PDE10A: variants seen among roughly 807,000 people sequenced by gnomAD.
The protein encoded by PDE10A is cAMP and cAMP-inhibited cGMP 3',5'-cyclic phosphodiesterase 10A.
PDE10A carries 39 observed loss-of-function variants against 97.7 expected under a neutral mutation model. The ratio of observed to expected loss-of-function variants is 0.40; its 90% CI spans 0.31 to 0.52. The LOEUF (loss-of-function observed/expected upper bound fraction) is 0.52. PDE10A is among the 20% of genes least tolerant of loss of function. The probability of loss-of-function intolerance (pLI) is 0.56; values close to 1 mark genes in which losing one functional copy is unlikely to be tolerated. For missense variants in PDE10A, 731 were observed against 1,047.8 expected (o/e 0.70, Z 4.17); for synonymous variants, 371 against 376.8 (o/e 0.98, Z 0.18).
rs1035075985 is a variant in PDE10A, at chr6:165,586,117, C to A, written c.866-42549G>T. ...CAGTTATCAGCCCACTCCCTGCCCC[C>A]CTTTTGCTTTGGAAAACCTGCTTCT... is the stretch of plus-strand genomic sequence containing the variant. On this transcript the variant is annotated intron_variant, in intron 1 of 21. Coordinates refer to ENST00000539869, the MANE Select transcript of PDE10A (RefSeq NM_001385079.1). 2.0e-5 allele frequency among the ~76,000 whole-genome samples: 3 copies of A among 152,162 alleles called. No individual in the cohort carries two copies. In the South Asian group the frequency reaches 6.2e-4, roughly 32 times the overall value.
chr6:165,683,102 T>C (rs1326492562), intron 1 of PDE10A, among the ~76,000 whole-genome samples: 1 of 152,188 alleles, frequency 6.6e-6, no homozygotes, highest in African/African-American at 2.4e-5. Context: ...CACAAAATTA[T>C]TTGTTGAATG....
At chr6:165,596,460 A>G (rs2322947) in intron 1 of PDE10A, among the ~76,000 whole-genome samples, 29,918 of 152,222 alleles carry the variant, frequency 0.2, 3,532 homozygotes, top group African/African-American at 0.33. Context: ...CAGGTGCAGC[A>G]GTTTATACCT....
intron 1 of PDE10A, among the ~76,000 whole-genome samples, chr6:165,600,207 G>A (rs1309805885): frequency 1.3e-5 from 2 of 152,156 alleles, no homozygotes; most frequent in East Asian, 1.9e-4. Flanking sequence ...ACAGAAAGAC[G>A]CACTCGTTTT....
intron 1 of PDE10A, among the ~76,000 whole-genome samples, chr6:165,580,252 G>A (rs185116318): frequency 2.2e-4 from 34 of 152,188 alleles, no homozygotes; most frequent in African/African-American, 7.0e-4. Flanking sequence ...GGAATGGGTC[G>A]GGTATGTCTT....
intron 1 of PDE10A, among the ~76,000 whole-genome samples, chr6:165,752,691 T>G (rs1309289234): frequency 1.3e-5 from 2 of 152,178 alleles, no homozygotes; most frequent in African/African-American, 4.8e-5. Context: ...ATTAGGCCTC[T>G]CTCTGTTCAT....
chr6:165,980,655 G>T (rs780411432), intron 1 of PDE10A, among the ~76,000 whole-genome samples: 1 of 152,172 alleles, frequency 6.6e-6, no homozygotes, highest in African/African-American at 2.4e-5. Context: ...TTTCTGGTTG[G>T]CTTCATAAGA....
At chr6:165,971,482 C>G (rs1330091101) in intron 1 of PDE10A, among the ~76,000 whole-genome samples, 1 of 152,188 alleles carries the variant, frequency 6.6e-6, no homozygotes, top group Non-Finnish European at 1.5e-5. Flanking sequence ...TCTTGCCCAT[C>G]ATCCATTGCC....
intron 1 of PDE10A, among the ~76,000 whole-genome samples, chr6:165,831,578 C>T (rs1441157704): frequency 2.0e-5 from 3 of 150,038 alleles, no homozygotes; most frequent in South Asian, 2.2e-4. Context: ...CCCGGGTTCA[C>T]GCCATTCTCC....
chr6:165,925,514 G>A (rs1354031350), intron 1 of PDE10A, among the ~76,000 whole-genome samples: 1 of 152,184 alleles, frequency 6.6e-6, no homozygotes, highest in Non-Finnish European at 1.5e-5. Context: ...TGGGTGAATG[G>A]CTAAACAAAC....
At chr6:165,738,804 A>T (rs974649489) in intron 1 of PDE10A, among the ~76,000 whole-genome samples, 1 of 152,214 alleles carries the variant, frequency 6.6e-6, no homozygotes, top group Non-Finnish European at 1.5e-5. Flanking sequence ...GGCTGCGTAA[A>T]TGTCTTCTTT....
chr6:165,654,927 G>A (rs1243983999), intron 1 of PDE10A, among the ~76,000 whole-genome samples: 1 of 152,182 alleles, frequency 6.6e-6, no homozygotes, highest in African/African-American at 2.4e-5. Context: ...GGTGCTCCAT[G>A]GCTCTGCCTT....
At chr6:165,920,584 T>C (rs968335659) in intron 1 of PDE10A, among the ~76,000 whole-genome samples, 3 of 151,430 alleles carry the variant, frequency 2.0e-5, no homozygotes, top group African/African-American at 7.3e-5. Flanking sequence ...ACATACCTGC[T>C]TACTATACAT....
At chr6:165,954,731 C>A (rs915253832) in intron 1 of PDE10A, among the ~76,000 whole-genome samples, 2 of 152,076 alleles carry the variant, frequency 1.3e-5, no homozygotes, top group African/African-American at 4.8e-5. Flanking sequence ...GAAGGCCTTA[C>A]AAGAAGGCTC....
chr6:165,642,624 C>T (rs1328368348), intron 1 of PDE10A, among the ~76,000 whole-genome samples: 1 of 152,178 alleles, frequency 6.6e-6, no homozygotes, highest in Non-Finnish European at 1.5e-5. Context: ...GCTGAGGAGA[C>T]TTGTAAGACA....
At chr6:165,406,540 T>C (rs1011917604) in intron 13 of PDE10A, among the ~76,000 whole-genome samples, 7 of 152,154 alleles carry the variant, frequency 4.6e-5, no homozygotes, top group Admixed American at 6.5e-5. Context: ...TATTACTTTA[T>C]CGATGAAGTT....
chr6:165,408,594 G>A (rs1230075407), intron 13 of PDE10A, among the ~76,000 whole-genome samples: 4 of 152,024 alleles, frequency 2.6e-5, no homozygotes, highest in Non-Finnish European at 5.9e-5. Flanking sequence ...TACATTTGGA[G>A]CTATTTTCTT....
chr6:165,855,107 C>G, intron 1 of PDE10A, among the ~76,000 whole-genome samples: 1 of 152,164 alleles, frequency 6.6e-6, no homozygotes. Flanking sequence ...GGAGGTAAAT[C>G]AAGTCCTGGG....
chr6:165,513,480 T>C (rs1017675797), intron 2 of PDE10A, among the ~76,000 whole-genome samples: 1 of 152,146 alleles, frequency 6.6e-6, no homozygotes. Flanking sequence ...ATCCTTCATA[T>C]TGAACTTCAT....
intron 1 of PDE10A, among the ~76,000 whole-genome samples, chr6:165,762,945 G>A (rs1184072195): frequency 2.0e-5 from 3 of 151,906 alleles, no homozygotes; most frequent in Admixed American, 6.6e-5. Flanking sequence ...GAAAAAAAAA[G>A]ACAAAAACCC....
Sources: allele counts gnomAD v4.1 joint callset (sites outside exome capture counted in the v4.1 genomes callset), GRCh38; gene constraint gnomAD v4.1.1; transcripts MANE v1.5; gene names NCBI Gene and HGNC (gene_info 2026-07-23, HGNC 2026-07-21).